ZEB1: variants seen among roughly 807,000 people sequenced by gnomAD.
ZEB1 encodes zinc finger E-box binding homeobox 1.
Under a neutral mutation model 84.9 loss-of-function variants are expected in ZEB1, and 21 were observed. The observed-to-expected ratio is 0.25, with a 90% CI of 0.18 to 0.36. The LOEUF is 0.36. Ranked by LOEUF, ZEB1 falls within the 10% of genes least tolerant of loss-of-function variation. The pLI is 1.00. For synonymous variants in ZEB1, 420 were observed against 471.1 expected, an observed-to-expected ratio of 0.89 and a Z score of 1.41; for missense variants, 1,104 against 1,330.2, an observed-to-expected ratio of 0.83 and a Z score of 2.65.
chr10:31,434,744 T>G (rs2058095201), intron 1 of ZEB1, among the ~76,000 whole-genome samples: 1 of 152,184 alleles, frequency 6.6e-6, no homozygotes, highest in East Asian at 1.9e-4. Flanking sequence ...TAGTCACTAT[T>G]GTAGCGGAAT....
At chr10:31,321,601 C>T in intron 1 of ZEB1, 1 of 1,611,606 alleles carries the variant, frequency 6.2e-7, no homozygotes, top group South Asian at 1.1e-5. Context: ...GAGAAAGGGG[C>T]TTTTCTTGTT....
intron 2 of ZEB1, among the ~76,000 whole-genome samples, chr10:31,490,507 T>C (rs1420395697): frequency 2.6e-5 from 4 of 151,784 alleles, no homozygotes; most frequent in African/African-American, 9.7e-5. Context: ...GGTTACTGTA[T>C]GTTTAGTTCT....
At chr10:31,466,915 G>A (rs2062506943) in intron 2 of ZEB1, among the ~76,000 whole-genome samples, 1 of 151,744 alleles carries the variant, frequency 6.6e-6, no homozygotes, top group Non-Finnish European at 1.5e-5. Context: ...AATGAGGAGA[G>A]GGATTAAAGA....
At chr10:31,444,399 C>A (rs1343739525) in intron 1 of ZEB1, among the ~76,000 whole-genome samples, 3 of 151,646 alleles carry the variant, frequency 2.0e-5, no homozygotes, top group African/African-American at 4.9e-5. Context: ...TTTTGCTGTG[C>A]AGAAGCTCTT....
chr10:31,485,768 C>G (rs2065657722), intron 2 of ZEB1, among the ~76,000 whole-genome samples: 1 of 150,622 alleles, frequency 6.6e-6, no homozygotes, highest in Non-Finnish European at 1.5e-5. Flanking sequence ...TTTATTTGAG[C>G]TTTAATACAC....
intron 1 of ZEB1, among the ~76,000 whole-genome samples, chr10:31,415,389 C>T (rs1362804362): frequency 6.6e-6 from 1 of 151,848 alleles, no homozygotes; most frequent in Non-Finnish European, 1.5e-5. Flanking sequence ...CTCTTTGATC[C>T]TGTGTGTGTG....
At chr10:31,375,494 A>G (rs1564636259) in intron 1 of ZEB1, among the ~76,000 whole-genome samples, 1 of 151,832 alleles carries the variant, frequency 6.6e-6, no homozygotes, top group Non-Finnish European at 1.5e-5. Flanking sequence ...AAGACACATA[A>G]TTATGTAAAT....
chr10:31,413,705 T>C (rs979766602), intron 1 of ZEB1, among the ~76,000 whole-genome samples: 1 of 152,046 alleles, frequency 6.6e-6, no homozygotes, highest in African/African-American at 2.4e-5. Context: ...AAAAATATGA[T>C]CTCTAAATAG....
At chr10:31,320,088 C>T (rs1411087258) in intron 1 of ZEB1, 1 of 151,620 alleles carries the variant, frequency 6.6e-6, no homozygotes, top group Non-Finnish European at 1.5e-5. Context: ...GCCCCTCCTC[C>T]CTGGCGCCTC....
chr10:31,512,258 A>T (rs1309686235), intron 5 of ZEB1, among the ~76,000 whole-genome samples: 1 of 152,184 alleles, frequency 6.6e-6, no homozygotes, highest in East Asian at 1.9e-4. Context: ...GGCCATCGTG[A>T]AAGGAGAGGA....
At chr10:31,319,138 G>GGTGGGGA, upstream of ZEB1, 2 of 821,700 alleles carry the variant, frequency 2.4e-6, no homozygotes, top group Non-Finnish European at 4.0e-6. Context: ...AACCAGGTGC[G>GGTGGGGA]GTGGGGAGGG....
chr10:31,476,940 T>C (rs1451147952), intron 2 of ZEB1, among the ~76,000 whole-genome samples: 2 of 151,914 alleles, frequency 1.3e-5, no homozygotes, highest in Admixed American at 1.3e-4. Flanking sequence ...TATGACAAAG[T>C]CACAGCCAAC....
At position 31,461,077 on chromosome 10, in the gene ZEB1, AGAT is replaced by A. The variant is rs141941188; in HGVS notation, c.105_107del (p.Asp35del). The stretch of plus-strand genomic sequence containing the variant: ...CTGTGGTAGAAACAAATTCAGATTC[AGAT>A]GATGAAGACAAACTGCATATTGTGG... On this transcript the variant is annotated inframe_deletion, in exon 2 of 9. Coordinates refer to ENST00000424869, the MANE Select transcript of ZEB1 (RefSeq NM_001174096.2). 2,386 of 1,613,390 alleles carry A rather than the reference AGAT, an allele frequency of 1.5e-3. 25 individuals are homozygous for A. The African/African-American group carries it at 0.024, about 16-fold the overall frequency.
intron 1 of ZEB1, among the ~76,000 whole-genome samples, chr10:31,336,829 G>A (rs1221656733): frequency 6.6e-6 from 1 of 152,140 alleles, no homozygotes; most frequent in African/African-American, 2.4e-5. Flanking sequence ...AGCTAATACT[G>A]CTGTTGGTAT....
chr10:31,459,156 C>A (rs1448641102), intron 1 of ZEB1, among the ~76,000 whole-genome samples: 1 of 151,982 alleles, frequency 6.6e-6, no homozygotes, highest in Non-Finnish European at 1.5e-5. Flanking sequence ...TGGTGTTGCA[C>A]CATCATAAAG....
At chr10:31,396,592 C>T (rs1423088775) in intron 1 of ZEB1, among the ~76,000 whole-genome samples, 1 of 152,092 alleles carries the variant, frequency 6.6e-6, no homozygotes, top group African/African-American at 2.4e-5. Context: ...CAGACTGTAG[C>T]AGAAATCACA....
At chr10:31,454,665 C>T (rs2060987043) in intron 1 of ZEB1, among the ~76,000 whole-genome samples, 1 of 152,064 alleles carries the variant, frequency 6.6e-6, no homozygotes, top group Admixed American at 6.6e-5. Context: ...TTCACAATTA[C>T]TATTAAAAGA....
At chr10:31,428,647 G>A (rs986632135) in intron 1 of ZEB1, among the ~76,000 whole-genome samples, 3 of 152,098 alleles carry the variant, frequency 2.0e-5, no homozygotes, top group African/African-American at 7.2e-5. Flanking sequence ...CTCATATTGT[G>A]AGTAGAGTGT....
intron 4 of ZEB1, 90 bp from the exon 5 acceptor site, chr10:31,510,583 T>C: frequency 9.7e-7 from 1 of 1,028,054 alleles, no homozygotes; most frequent in Non-Finnish European, 1.5e-6. Context: ...GGTAGCACAA[T>C]ATCTGGAACA....
Sources: allele counts gnomAD v4.1 joint callset (sites outside exome capture counted in the v4.1 genomes callset), GRCh38; gene constraint gnomAD v4.1.1; transcripts MANE v1.5; gene names NCBI Gene and HGNC (gene_info 2026-07-23, HGNC 2026-07-21).